The following DDR2 variants were observed in gnomAD, a reference collection of about 807,000 sequenced individuals.
The protein encoded by DDR2 is discoidin domain receptor tyrosine kinase 2, also known as discoidin domain-containing receptor 2.
A neutral mutation model predicts 94.9 loss-of-function variants in DDR2; 27 were observed. That is an observed-to-expected ratio of 0.28 (90% confidence interval 0.21 to 0.39). DDR2 has a LOEUF of 0.39. Ranked by LOEUF, DDR2 falls within the 10% of genes least tolerant of loss-of-function variation. The probability of loss-of-function intolerance (pLI) is 1.00; values close to 1 mark genes in which losing one functional copy is unlikely to be tolerated. For missense variants in DDR2, 783 were observed against 1,076.0 expected (o/e 0.73, Z 3.81); for synonymous variants, 382 against 377.2 (o/e 1.01, Z -0.15).
At chr1:162,698,438 G>A (rs556255819) in intron 2 of DDR2, among the ~76,000 whole-genome samples, 12 of 152,140 alleles carry the variant, frequency 7.9e-5, no homozygotes, top group East Asian at 1.9e-4. Context: ...GTCTTATCTC[G>A]CTGCCACTTC....
chr1:162,714,700 G>A (rs1661079738), intron 2 of DDR2, among the ~76,000 whole-genome samples: 1 of 152,068 alleles, frequency 6.6e-6, no homozygotes, highest in Non-Finnish European at 1.5e-5. Context: ...CTGTACATAT[G>A]TTTCTTTAAA....
At chr1:162,730,600 T>G (rs1286631735) in intron 3 of DDR2, among the ~76,000 whole-genome samples, 2 of 152,186 alleles carry the variant, frequency 1.3e-5, no homozygotes, top group Middle Eastern at 3.2e-3. Flanking sequence ...GCCCTGGGCT[T>G]GCCCATAGGA....
chr1:162,652,312 G>A lies in DDR2; in HGVS notation c.-191-2899G>A, dbSNP rs926313846. ...AACCACACTGACCATGTAATTTTGG[G>A]GGCAGATTGGAAAGCTGAAACAGAA... is the stretch of plus-strand genomic sequence containing the variant. On this transcript the variant is annotated intron_variant, in intron 1 of 17. Transcript: ENST00000367921. 2.0e-5 allele frequency among the ~76,000 whole-genome samples: 3 copies of A among 152,182 alleles called. 1 individual carries two copies. The South Asian group carries it at 6.2e-4, about 32-fold the overall frequency.
intron 2 of DDR2, among the ~76,000 whole-genome samples, chr1:162,705,711 G>A (rs1660630511): frequency 6.6e-6 from 1 of 152,194 alleles, no homozygotes; most frequent in Non-Finnish European, 1.5e-5. Context: ...TAGGCCCTGG[G>A]GTGATGAGTG....
At chr1:162,740,492 T>A (rs551564848) in intron 3 of DDR2, among the ~76,000 whole-genome samples, 1 of 152,192 alleles carries the variant, frequency 6.6e-6, no homozygotes, top group African/African-American at 2.4e-5. Flanking sequence ...TAAACCATCA[T>A]CCCTGCAAGA....
chr1:162,752,297 G>A (rs554324042), intron 3 of DDR2, among the ~76,000 whole-genome samples: 2 of 152,256 alleles, frequency 1.3e-5, no homozygotes, highest in South Asian at 4.1e-4. Context: ...CTCAACTCAG[G>A]AAATTCTCCA....
At chr1:162,748,013 A>G (rs185155724) in intron 3 of DDR2, among the ~76,000 whole-genome samples, 9 of 152,354 alleles carry the variant, frequency 5.9e-5, no homozygotes, top group Middle Eastern at 3.4e-3. Flanking sequence ...CTAAACATGG[A>G]AAGGAAAAAC....
At chr1:162,730,057 GC>G (rs1661953458) in intron 3 of DDR2, among the ~76,000 whole-genome samples, 19 of 66,636 alleles carry the variant, frequency 2.9e-4, no homozygotes, top group East Asian at 4.3e-4. Context: ...TTTTTTTTTT[GC>G]AAAAAAAAAA....
rs896868309 is a variant in DDR2 at position 162,786,277 on chromosome 1, T to G, written c.*6031T>G. The G allele has an allele frequency of 6.6e-6, 1 of 152,190 alleles. No individual in the cohort carries two copies. Among genetic ancestry groups the G allele is most frequent in the Non-Finnish European group, 1.5e-5 (1 of 68,058 alleles). 9.4% of individuals were successfully genotyped at this position (152,190 alleles called of 1,614,324 possible). The stretch of plus-strand genomic sequence containing the variant: ...TCTTCTACCTTGTTGCCTGGTAACT[T>G]TTTCTGAGGACTGAGTTTCTGCAGC... On this transcript the variant is annotated 3_prime_UTR_variant, in exon 18 of 18. Transcript: ENST00000367921.
intron 3 of DDR2, among the ~76,000 whole-genome samples, chr1:162,735,602 A>G (rs1571263185): frequency 2.0e-5 from 3 of 152,212 alleles, no homozygotes; most frequent in East Asian, 3.9e-4. Flanking sequence ...ATCACAATAC[A>G]TAGATCAAAG....
In DDR2 at chr1:162,760,133, C is replaced by T. The variant is rs75339407; in HGVS notation, c.855+154C>T. Among the ~76,000 whole-genome samples, 1,375 of 152,254 alleles carry T rather than the reference C, an allele frequency of 9.0e-3. 9 individuals carry two copies. The highest frequency in any genetic ancestry group is 0.034 in the Middle Eastern group (10 of 294). ...AAATGCATTTCACAAGTCACTTCAT[C>T]TCTAAGGGCGTGATTCTCCATTTGT... On this transcript the variant is annotated intron_variant, in intron 8 of 17. Transcript: ENST00000367921.
chr1:162,693,168 C>G (rs1205483198), intron 2 of DDR2, among the ~76,000 whole-genome samples: 1 of 152,120 alleles, frequency 6.6e-6, no homozygotes, highest in African/African-American at 2.4e-5. Flanking sequence ...TGGGGAAGAG[C>G]AAGAGGTTAG....
intron 2 of DDR2, among the ~76,000 whole-genome samples, chr1:162,668,240 G>T (rs1028339118): frequency 6.6e-6 from 1 of 152,202 alleles, no homozygotes; most frequent in Non-Finnish European, 1.5e-5. Flanking sequence ...TGGAAGTAAA[G>T]GTACTGTGGC....
chr1:162,676,232 G>T (rs1407816479), intron 2 of DDR2, among the ~76,000 whole-genome samples: 1 of 151,926 alleles, frequency 6.6e-6, no homozygotes, highest in East Asian at 1.9e-4. Context: ...CTTACTCCTG[G>T]TCACATGCTC....
rs756170216 is a variant in DDR2 at position 162,759,871 on chromosome 1, C to T, written c.747C>T (p.His249=). The T allele has an allele frequency of 4.3e-6, 7 of 1,614,138 alleles. No individual in the cohort carries two copies. Among genetic ancestry groups the T allele is most frequent in the East Asian group, 2.2e-5 (1 of 44,878 alleles). ...ATTTCACCCAGACCCATGAATACCA[C>T]GTGTGGCCCGGCTATGACTATGTGG... ...LDDFTQTHEY[H]VWPGYDYVGW... is the part of the protein sequence containing the mutation. Residue 249 remains histidine (H), a synonymous_variant, in exon 8 of 18, where the codon CAC becomes CAT. Coordinates refer to ENST00000367921, the MANE Select transcript of DDR2 (RefSeq NM_006182.4).
rs372489877 is a variant in DDR2, at chr1:162,755,100, G to A, written c.418-56G>A. 1.4e-5 allele frequency: 23 copies of A among 1,612,370 alleles called. No individual in the cohort carries two copies. The East Asian group carries it at 1.6e-4, about 11-fold the overall frequency. The stretch of plus-strand genomic sequence containing the variant: ...TCCATCAAAAACGTGGTGGGGTGAA[G>A]AAAAGTGAGCATGATTTAATACCAC... On this transcript the variant is annotated intron_variant, in intron 5 of 17. Coordinates refer to ENST00000367921, the MANE Select transcript of DDR2 (RefSeq NM_006182.4).
Position 162,780,884 on chromosome 1 carries a change from T to C in DDR2, c.*638T>C, listed in dbSNP as rs1261691134. The C allele has an allele frequency of 6.5e-6, 1 of 152,874 alleles. No individual in the cohort carries two copies. The highest frequency in any genetic ancestry group is 1.5e-5 in the Non-Finnish European group (1 of 68,610). The allele number at this position is 152,874 out of a possible 1,614,324, so 9.5% of individuals were successfully genotyped here. On this transcript the variant is annotated 3_prime_UTR_variant, in exon 18 of 18. Transcript: ENST00000367921. ...CATGGGCAGGGGTCAGGATTGAAGT[T>C]CATATATGAAACAACTGGGGATGTA...
chr1:162,730,256 C>G (rs1402790814), intron 3 of DDR2, among the ~76,000 whole-genome samples: 1 of 152,026 alleles, frequency 6.6e-6, no homozygotes, highest in African/African-American at 2.4e-5. Context: ...CAGGTCCAGC[C>G]TTCTAGTGTT....
chr1:162,689,960 A>G lies in DDR2; in HGVS notation c.-27-29077A>G, dbSNP rs542999336. Among the ~76,000 whole-genome samples the G allele has an allele frequency of 3.3e-5, 5 of 150,890 alleles. No individual in the cohort carries two copies. The East Asian group carries it at 9.7e-4, about 29-fold the overall frequency. On this transcript the variant is annotated intron_variant, in intron 2 of 17. Coordinates refer to ENST00000367921, the MANE Select transcript of DDR2 (RefSeq NM_006182.4). ...GAACCTGGGAGGCAGAGATTGCAGT[A>G]AGCTGAGATCATGACACTGCACTAT...
Sources: allele counts gnomAD v4.1 joint callset (sites outside exome capture counted in the v4.1 genomes callset), GRCh38; gene constraint gnomAD v4.1.1; transcripts MANE v1.5; gene names NCBI Gene and HGNC (gene_info 2026-07-23, HGNC 2026-07-21).